Variants in DTNA observed in about 807,000 individuals in gnomAD.
The protein encoded by DTNA is dystrobrevin alpha, also known as dystrophin-related protein 3.
DTNA carries 43 observed loss-of-function variants against 100.7 expected under a neutral mutation model. That is an observed-to-expected ratio of 0.43 (90% CI 0.33 to 0.55). The LOEUF (loss-of-function observed/expected upper bound fraction) is 0.55. DTNA is among the 20% of genes least tolerant of loss of function. The pLI is 0.04. For missense variants in DTNA, 798 were observed against 953.9 expected (o/e 0.84, Z 2.15); for synonymous variants, 349 against 347.9 (o/e 1.00, Z -0.04).
chr18:34,879,583 T>A lies in DTNA; in HGVS notation c.2026T>A (p.Ser676Thr). The A allele has an allele frequency of 6.2e-7, 1 of 1,614,080 alleles. No individual in the cohort carries two copies. The highest frequency in any genetic ancestry group is 1.3e-5 in the African/African-American group (1 of 75,010). ...VGSETESNVD[S>T]EFARTQFEDL... is the part of the protein sequence containing the mutation. Reference sequence around the variant, plus strand: ...GAGTGAAACAGAGAGTAATGTGGATTCTGAATTTGCACGGACTCAGTTTGA... The same window carrying A: ...GAGTGAAACAGAGAGTAATGTGGATACTGAATTTGCACGGACTCAGTTTGA... Residue 676 changes from serine (S) to threonine (T), a missense_variant, in exon 20 of 23, where the codon TCT becomes ACT. Around this residue, in one of 6 missense-constraint regions of DTNA, gnomAD observed 242 missense variants for 238.2 expected, o/e 1.02. Transcript: ENST00000444659.
At chr18:34,650,236 C>T (rs1175700484) in intron 1 of DTNA, among the ~76,000 whole-genome samples, 2 of 152,166 alleles carry the variant, frequency 1.3e-5, no homozygotes, top group Non-Finnish European at 1.5e-5. Flanking sequence ...GAAGACAAAA[C>T]GTTGACCTTC....
intron 5 of DTNA, 49 bp downstream of exon 5, chr18:34,806,353 C>T (rs1287335521): frequency 6.6e-7 from 1 of 1,510,674 alleles, no homozygotes; most frequent in South Asian, 1.1e-5. Flanking sequence ...TGCTAGGTAC[C>T]ACCCTTTTCT....
At chr18:34,724,407 CT>C (rs2086106213) in intron 1 of DTNA, among the ~76,000 whole-genome samples, 1 of 152,206 alleles carries the variant, frequency 6.6e-6, no homozygotes, top group Non-Finnish European at 1.5e-5. Flanking sequence ...GTGAGAATTA[CT>C]ACAAATTTAT....
At chr18:34,664,827 A>G (rs1316674367) in intron 1 of DTNA, among the ~76,000 whole-genome samples, 1 of 152,148 alleles carries the variant, frequency 6.6e-6, no homozygotes. Context: ...GATAGGTATA[A>G]TAAACATAAA....
chr18:34,516,152 A>G (rs573616656), intron 1 of DTNA, among the ~76,000 whole-genome samples: 1 of 152,228 alleles, frequency 6.6e-6, no homozygotes, highest in African/African-American at 2.4e-5. Flanking sequence ...GGGAAAGAGT[A>G]CAAGAGAGAA....
chr18:34,612,614 C>T (rs1218013226), intron 1 of DTNA, among the ~76,000 whole-genome samples: 2 of 152,166 alleles, frequency 1.3e-5, no homozygotes, highest in African/African-American at 4.8e-5. Context: ...AGAGTATTTT[C>T]TGCCTATGCT....
At chr18:34,779,092 T>A (rs1178773478) in intron 3 of DTNA, among the ~76,000 whole-genome samples, 1 of 152,144 alleles carries the variant, frequency 6.6e-6, no homozygotes, top group African/African-American at 2.4e-5. Context: ...ATGTGCCAGG[T>A]GCTCTGTAGA....
chr18:34,863,222 G>C (rs569625300), intron 16 of DTNA, among the ~76,000 whole-genome samples: 12 of 152,136 alleles, frequency 7.9e-5, no homozygotes, highest in Non-Finnish European at 1.8e-4. Context: ...CCCCTTTAAA[G>C]ATCTTTTTGG....
intron 1 of DTNA, among the ~76,000 whole-genome samples, chr18:34,753,443 C>T (rs1422124250): frequency 7.2e-6 from 1 of 139,222 alleles, no homozygotes; most frequent in Non-Finnish European, 1.5e-5. Flanking sequence ...AGTGCAGTGG[C>T]GGGATCTCGG....
Position 34,890,736 on chromosome 18 carries a change from G to A in DTNA, c.*3002G>A. 1 of 438,654 alleles carries A rather than the reference G, an allele frequency of 2.3e-6. No homozygotes were observed. Among genetic ancestry groups the A allele is most frequent in the Non-Finnish European group, 4.1e-6 (1 of 242,850 alleles). 27.2% of individuals were successfully genotyped at this position (438,654 alleles called of 1,614,324 possible). A position where few individuals can be genotyped will look rare whatever the true frequency, so the allele number is the denominator to read the frequency against. ...AGTTGTGCTGGAGATTGTGAAAAAT[G>A]GGTTCTTGAATGATCTACTATAAGG... On this transcript the variant is annotated 3_prime_UTR_variant, in exon 23 of 23. Transcript: ENST00000444659.
At chr18:34,744,384 T>G (rs35534632) in intron 1 of DTNA, among the ~76,000 whole-genome samples, 1 of 152,096 alleles carries the variant, frequency 6.6e-6, no homozygotes, top group Admixed American at 6.5e-5. Flanking sequence ...TCACACATCA[T>G]GGATATCATG....
intron 1 of DTNA, among the ~76,000 whole-genome samples, chr18:34,535,055 G>A (rs573106269): frequency 4.6e-5 from 7 of 152,252 alleles, no homozygotes; most frequent in Admixed American, 2.0e-4. Flanking sequence ...CTAGATCCTT[G>A]AGGAATCGCC....
intron 1 of DTNA, among the ~76,000 whole-genome samples, chr18:34,525,102 A>G (rs2042489996): frequency 6.6e-6 from 1 of 152,200 alleles, no homozygotes; most frequent in Admixed American, 6.6e-5. Context: ...CAGTACATAT[A>G]GAAGTGATCA....
At chr18:34,599,417 T>C (rs1168365726) in intron 1 of DTNA, among the ~76,000 whole-genome samples, 2 of 152,244 alleles carry the variant, frequency 1.3e-5, no homozygotes, top group African/African-American at 2.4e-5. Context: ...TTCTCATTAA[T>C]TCAATAATTT....
At chr18:34,817,751 T>C (rs1308664602) in intron 7 of DTNA, among the ~76,000 whole-genome samples, 1 of 152,184 alleles carries the variant, frequency 6.6e-6, no homozygotes, top group Non-Finnish European at 1.5e-5. Context: ...TGATATTCGC[T>C]CTCTTCCCAC....
At chr18:34,681,896 A>T (rs2078184078) in intron 1 of DTNA, among the ~76,000 whole-genome samples, 1 of 152,152 alleles carries the variant, frequency 6.6e-6, no homozygotes, top group Non-Finnish European at 1.5e-5. Flanking sequence ...AATGACATGT[A>T]TCCACCACTG....
chr18:34,689,895 T>G (rs78084307), intron 1 of DTNA, among the ~76,000 whole-genome samples: 1 of 152,156 alleles, frequency 6.6e-6, no homozygotes, highest in Middle Eastern at 3.2e-3. Context: ...TTTGAGGTGT[T>G]GTGGTGGGCC....
At chr18:34,825,497 C>G (rs936823316) in intron 9 of DTNA, among the ~76,000 whole-genome samples, 2 of 152,158 alleles carry the variant, frequency 1.3e-5, no homozygotes, top group African/African-American at 2.4e-5. Flanking sequence ...GGAGCTGTTT[C>G]TTTTACATAA....
At chr18:34,588,802 T>C (rs1055728440) in intron 1 of DTNA, among the ~76,000 whole-genome samples, 4 of 150,346 alleles carry the variant, frequency 2.7e-5, no homozygotes, top group African/African-American at 1.0e-4. Context: ...TGGTAGGAAT[T>C]TTTTAGCCTT....
Sources: gnomAD v4.1 joint callset for allele counts (sites outside exome capture counted in the v4.1 genomes callset) on GRCh38, gnomAD v4.1.1 for gene constraint, gnomAD v4.1.1 regional missense constraint, MANE v1.5 for transcripts, NCBI Gene and HGNC (gene_info 2026-07-23, HGNC 2026-07-21) for gene names.